IVD: variants seen among roughly 807,000 people sequenced by gnomAD.
The protein encoded by IVD is isovaleryl-CoA dehydrogenase.
Under a neutral mutation model 51.3 loss-of-function variants are expected in IVD, and 31 were observed. The observed-to-expected ratio is 0.60, with a 90% confidence interval of 0.45 to 0.81. The LOEUF is 0.81. Among genes scored for constraint, IVD ranks in the 40% least tolerant of loss-of-function variants. IVD has a pLI of 0.00. For synonymous variants in IVD, 205 were observed against 219.4 expected, an observed-to-expected ratio of 0.93 and a Z score of 0.58; for missense variants, 475 against 552.0, an observed-to-expected ratio of 0.86 and a Z score of 1.40.
intron 7 of IVD, among the ~76,000 whole-genome samples, chr15:40,430,615 GAGACTCC>G (rs1479954193): frequency 6.6e-6 from 1 of 152,210 alleles, no homozygotes; most frequent in Admixed American, 6.5e-5. Flanking sequence ...TTCGAGGCTG[GAGACTCC>G]AGTAAATGAC....
chr15:40,428,667 C>T (rs1414460751), downstream of IVD, among the ~76,000 whole-genome samples: 2 of 152,202 alleles, frequency 1.3e-5, no homozygotes, highest in Non-Finnish European at 2.9e-5. Flanking sequence ...TGCCCTCCCA[C>T]CTGATCACCC....
downstream of IVD, among the ~76,000 whole-genome samples, chr15:40,424,639 TTTACA>T (rs1892559809): frequency 6.6e-6 from 1 of 152,224 alleles, no homozygotes; most frequent in African/African-American, 2.4e-5. Flanking sequence ...TTTGACTGTC[TTTACA>T]TGATCACCAT....
Position 40,418,726 on chromosome 15 carries a change from A to T in IVD, c.*463A>T. 9.1e-7 allele frequency: 1 copy of T among 1,104,552 alleles called. No individual in the cohort carries two copies. Among genetic ancestry groups the T allele is most frequent in the South Asian group, 2.4e-5 (1 of 41,560 alleles). The allele number at this position is 1,104,552 out of a possible 1,614,324, so 68.4% of individuals were successfully genotyped here. ...ATCATGGCCCCTCTCCATGAATTGG[A>T]ACTTGGTACAGGTTAAGTATCCCTA... On this transcript the variant is annotated 3_prime_UTR_variant, in exon 12 of 12. Transcript: ENST00000487418.
At chr15:40,423,883 A>G (rs1892513982), downstream of IVD, among the ~76,000 whole-genome samples, 5 of 152,212 alleles carry the variant, frequency 3.3e-5, no homozygotes, top group African/African-American at 1.2e-4. Context: ...CAGGTGGTGC[A>G]GAGCCCCATT....
At chr15:40,414,129 G>C (rs1891396231) in intron 7 of IVD, among the ~76,000 whole-genome samples, 1 of 151,974 alleles carries the variant, frequency 6.6e-6, no homozygotes, top group Non-Finnish European at 1.5e-5. Context: ...AAAGTGCCAG[G>C]ATTATAGGCC....
intron 6 of IVD, 122 bp downstream of exon 6, chr15:40,411,813 G>T (rs1241475813): frequency 8.1e-7 from 1 of 1,232,208 alleles, no homozygotes; most frequent in Admixed American, 1.9e-5. Flanking sequence ...CCCAGAGGTG[G>T]GGGTGAGGCA....
At chr15:40,431,965 CT>C (rs34083732) in intron 7 of IVD, among the ~76,000 whole-genome samples, 188 of 138,758 alleles carry the variant, frequency 1.4e-3, no homozygotes, top group Middle Eastern at 3.9e-3. Context: ...ATATCTAAGT[CT>C]TTTTTTTTTT....
downstream of IVD, chr15:40,424,057 A>T: frequency 1.1e-6 from 1 of 893,572 alleles, no homozygotes; most frequent in South Asian, 1.7e-5. Context: ...CCACCCAGCC[A>T]CTCTCAGAGG....
chr15:40,415,278 G>C (rs1267808981), intron 8 of IVD, 123 bp from the exon 9 acceptor site: 13 of 913,700 alleles, frequency 1.4e-5, no homozygotes, highest in Non-Finnish European at 2.3e-5. Context: ...CGTAACTGTG[G>C]CAAGACTTTC....
rs78178960 is a variant in IVD at position 40,433,072 on chromosome 15, G to A, written c.720-782G>A. On this transcript the variant is annotated intron_variant, in intron 7 of 8. Coordinates refer to the IVD transcript ENST00000473112. ...TTTATATGTTTTAAGACACTGTAGC[G>A]CCAGGACTGTACTCAGAAAGTCTGC... 5.9e-3 allele frequency among the ~76,000 whole-genome samples: 896 copies of A among 152,296 alleles called. 7 individuals carry two copies. The highest frequency in any genetic ancestry group is 0.02 in the African/African-American group (834 of 41,542).
chr15:40,435,630 G>A, downstream of IVD: 2 of 1,072,868 alleles, frequency 1.9e-6, no homozygotes, highest in Non-Finnish European at 1.1e-6. Context: ...ACGTCTTTGG[G>A]ACAGAGCTCC....
At chr15:40,410,088 A>G (rs4924465) in intron 3 of IVD, among the ~76,000 whole-genome samples, 110,077 of 151,322 alleles carry the variant, frequency 0.73, 40,367 homozygotes, top group East Asian at 0.87. Flanking sequence ...TGCCCACCTC[A>G]GCCTCCCAAA....
intron 11 of IVD, among the ~76,000 whole-genome samples, chr15:40,416,768 AC>A (rs1891732198): frequency 6.6e-6 from 1 of 152,140 alleles, no homozygotes; most frequent in Non-Finnish European, 1.5e-5. Context: ...CTGAGCTGGG[AC>A]CTTCGGGCTC....
At chr15:40,406,276 G>C in intron 1 of IVD, 2 of 1,445,332 alleles carry the variant, frequency 1.4e-6, no homozygotes, top group Non-Finnish European at 1.8e-6. Flanking sequence ...GTGGAGGATT[G>C]GCCAGGCTAC....
chr15:40,413,128 C>G (rs745806359), intron 7 of IVD, 41 bp downstream of exon 7: 5 of 1,490,008 alleles, frequency 3.4e-6, no homozygotes, highest in East Asian at 4.5e-5. Context: ...CTCCTGACCC[C>G]CTTCCAGGCT....
At chr15:40,425,184 A>G (rs982432816), downstream of IVD, among the ~76,000 whole-genome samples, 8 of 152,220 alleles carry the variant, frequency 5.3e-5, no homozygotes, top group African/African-American at 1.9e-4. Context: ...TGCATGGTAT[A>G]TATGGGAGAG....
At chr15:40,410,880 C>A in intron 4 of IVD, 83 bp downstream of exon 4, 1 of 1,494,944 alleles carries the variant, frequency 6.7e-7, no homozygotes, top group South Asian at 1.2e-5. Context: ...GGGGGCCAGT[C>A]AGACCTGCTT....
downstream of IVD, among the ~76,000 whole-genome samples, chr15:40,426,559 A>G (rs1262274088): frequency 6.6e-6 from 1 of 152,140 alleles, no homozygotes; most frequent in Non-Finnish European, 1.5e-5. Context: ...AAGAAAAGAA[A>G]AAACCATTCC....
chr15:40,419,118 A>C lies in IVD; in HGVS notation c.*855A>C, dbSNP rs1345058743. 1.6e-6 allele frequency: 2 copies of C among 1,284,892 alleles called. No homozygotes were observed. Among genetic ancestry groups the C allele is most frequent in the African/African-American group, 1.5e-5 (1 of 65,694 alleles). The allele number at this position is 1,284,892 out of a possible 1,614,324, so 79.6% of individuals were successfully genotyped here. On this transcript the variant is annotated 3_prime_UTR_variant, in exon 12 of 12. Coordinates refer to ENST00000487418, the MANE Select transcript of IVD (RefSeq NM_002225.5). ...GCCATTGCACTCCAGCCTGGGCGAC[A>C]AGAGCAAAACTCTTCAAAAAACAAA...
Sources: allele counts gnomAD v4.1 joint callset (sites outside exome capture counted in the v4.1 genomes callset), GRCh38; gene constraint gnomAD v4.1.1; transcripts MANE v1.5; gene names NCBI Gene and HGNC (gene_info 2026-07-23, HGNC 2026-07-21).